The following SYCE2 variants were observed in gnomAD, a reference collection of about 807,000 sequenced individuals.
The protein encoded by SYCE2 is synaptonemal complex central element protein 2.
A neutral mutation model predicts 27.9 loss-of-function variants in SYCE2; 3 were observed. The ratio of observed to expected loss-of-function variants is 0.11; its 90% CI spans 0.05 to 0.28. The LOEUF (loss-of-function observed/expected upper bound fraction) is 0.28, where lower values mean the gene tolerates loss of function less well. Among genes scored for constraint, SYCE2 ranks in the 10% least tolerant of loss-of-function variants. The pLI is 1.00. For missense variants in SYCE2, 207 were observed against 263.5 expected, an observed-to-expected ratio of 0.79 and a Z score of 1.48; for synonymous variants, 85 against 100.7, an observed-to-expected ratio of 0.84 and a Z score of 0.93.
chr19:12,913,154 G>A (rs1362629466), intron 2 of SYCE2, among the ~76,000 whole-genome samples: 24 of 152,244 alleles, frequency 1.6e-4, no homozygotes, highest in Admixed American at 1.6e-3. Context: ...CGGGCTGGGG[G>A]CTGTGAACAC....
chr19:12,914,990 CCAG>C (rs1387044926), intron 2 of SYCE2, among the ~76,000 whole-genome samples: 9 of 152,146 alleles, frequency 5.9e-5, no homozygotes, highest in Non-Finnish European at 8.8e-5. Flanking sequence ...ATGAGTATGC[CCAG>C]AAGAAATGAA....
intron 2 of SYCE2, among the ~76,000 whole-genome samples, chr19:12,909,584 C>T (rs1684259424): frequency 6.6e-6 from 1 of 150,566 alleles, no homozygotes; most frequent in Admixed American, 6.6e-5. Context: ...ATTTTTTTTT[C>T]AGATGGAGTT....
chr19:12,907,223 C>T (rs192933618), intron 2 of SYCE2, among the ~76,000 whole-genome samples: 18 of 152,268 alleles, frequency 1.2e-4, no homozygotes, highest in East Asian at 3.9e-4. Flanking sequence ...GTTCTCTTTA[C>T]GACATGGGCT....
intron 1 of SYCE2, 119 bp downstream of exon 1, chr19:12,919,124 C>A: frequency 7.4e-7 from 1 of 1,342,906 alleles, no homozygotes; most frequent in South Asian, 1.2e-5. Context: ...GAGAGGGAGC[C>A]CCAATGGCAA....
intron 2 of SYCE2, among the ~76,000 whole-genome samples, chr19:12,908,166 C>T (rs1011423516): frequency 6.6e-6 from 1 of 151,906 alleles, no homozygotes; most frequent in African/African-American, 2.4e-5. Flanking sequence ...ACAACCACAA[C>T]ACACATATAC....
At chr19:12,916,983 CAA>C (rs1971149420) in intron 2 of SYCE2, among the ~76,000 whole-genome samples, 3 of 151,960 alleles carry the variant, frequency 2.0e-5, no homozygotes, top group African/African-American at 4.8e-5. Context: ...ATCCTGACCT[CAA>C]GTTATCTGCC....
At chr19:12,907,588 C>G (rs1012694833) in intron 2 of SYCE2, among the ~76,000 whole-genome samples, 2 of 151,336 alleles carry the variant, frequency 1.3e-5, no homozygotes, top group Non-Finnish European at 2.9e-5. Flanking sequence ...ATCAGGAGTT[C>G]GAGATCAGCC....
intron 1 of SYCE2, 83 bp from the exon 2 acceptor site, chr19:12,918,420 T>A (rs1009365112): frequency 4.6e-6 from 6 of 1,306,134 alleles, no homozygotes; most frequent in Non-Finnish European, 3.3e-6. Flanking sequence ...TCAACCCTGG[T>A]CACCTCGATG....
chr19:12,912,127 A>AG (rs1392126706), intron 2 of SYCE2, among the ~76,000 whole-genome samples: 4 of 150,270 alleles, frequency 2.7e-5, no homozygotes, highest in African/African-American at 9.9e-5. Flanking sequence ...TAGTAGAGAC[A>AG]GGGTTTCACC....
At position 12,904,610 on chromosome 19, in the gene SYCE2, A is replaced by G. The variant is rs772702266; in HGVS notation, c.188T>C (p.Leu63Pro). ...CTGCAGGATGTCAATGCTTGAGTCCAGAGAGGAGAAGTAGAGTCCCGACTT... is the reference window on the plus strand; with the variant it reads ...CTGCAGGATGTCAATGCTTGAGTCCGGAGAGGAGAAGTAGAGTCCCGACTT... ...EGKSGLYFSS[L>P]DSSIDILQKR... The change falls in exon 3 of 6, where the codon CTG becomes CCG. Residue 63 changes from leucine (L) to proline (P), a missense_variant. Coordinates refer to ENST00000293695, the MANE Select transcript of SYCE2 (RefSeq NM_001105578.2). The G allele has an allele frequency of 6.2e-7, 1 of 1,614,080 alleles. No homozygotes were observed. Among genetic ancestry groups the G allele is most frequent in the Non-Finnish European group, 8.5e-7 (1 of 1,180,006 alleles).
intron 2 of SYCE2, among the ~76,000 whole-genome samples, chr19:12,906,415 G>C (rs1459338133): frequency 6.6e-6 from 1 of 152,208 alleles, no homozygotes; most frequent in Non-Finnish European, 1.5e-5. Context: ...TGGCAGAAGA[G>C]TGACAGCTAT....
Position 12,899,764 on chromosome 19 carries a change from AC to A in SYCE2, c.612+239del, listed in dbSNP as rs767276271. On this transcript the variant is annotated intron_variant, in intron 5 of 5. Coordinates refer to ENST00000293695, the MANE Select transcript of SYCE2 (RefSeq NM_001105578.2). ...TGTAGAGCGTCTCAATCCACTTTTA[AC>A]CATGGATGAGAGCAGACTCCATTTA... 1.2e-5 allele frequency: 19 copies of A among 1,609,600 alleles called. No individual in the cohort carries two copies. In the East Asian group the frequency reaches 4.0e-4, roughly 34 times the overall value.
chr19:12,909,664 T>A (rs927533056), intron 2 of SYCE2, among the ~76,000 whole-genome samples: 4 of 152,148 alleles, frequency 2.6e-5, no homozygotes, highest in African/African-American at 9.7e-5. Context: ...CCTCCCGGGT[T>A]CAAGCGATTC....
chr19:12,906,818 G>A (rs1599633679), intron 2 of SYCE2, among the ~76,000 whole-genome samples: 1 of 150,802 alleles, frequency 6.6e-6, no homozygotes, highest in East Asian at 2.0e-4. Flanking sequence ...TGAGGTACAA[G>A]AATCGCTTGA....
At position 12,900,563 on chromosome 19, in the gene SYCE2, T is replaced by C. The variant is rs1316980203; in HGVS notation, c.392A>G (p.Glu131Gly). Reference sequence around the variant, plus strand: ...GATCTTTGCCATTTTCTGGGTGAACTCTTGGAGCTTTTCCTGGATGATCTT... The same window carrying C: ...GATCTTTGCCATTTTCTGGGTGAACCCTTGGAGCTTTTCCTGGATGATCTT... The part of the protein sequence containing the change: ...HNKIIQEKLQ[E>G]FTQKMAKISH... Residue 131 changes from glutamate (E) to glycine (G), a missense_variant, in exon 4 of 6, where the codon GAG becomes GGG. Physicochemically the swap from Glu to Gly is moderately conservative, Grantham distance 98 (BLOSUM62 -2). Transcript: ENST00000293695. 1.9e-6 allele frequency: 3 copies of C among 1,614,094 alleles called. No individual in the cohort carries two copies. Among genetic ancestry groups the C allele is most frequent in the African/African-American group, 1.3e-5 (1 of 74,930 alleles).
At chr19:12,906,364 GTAAT>G (rs1970934107) in intron 2 of SYCE2, among the ~76,000 whole-genome samples, 1 of 152,200 alleles carries the variant, frequency 6.6e-6, no homozygotes, top group Admixed American at 6.5e-5. Flanking sequence ...ACATGTAACT[GTAAT>G]TATGTAATTC....
chr19:12,913,092 T>C (rs1406090871), intron 2 of SYCE2, among the ~76,000 whole-genome samples: 1 of 152,196 alleles, frequency 6.6e-6, no homozygotes, highest in African/African-American at 2.4e-5. Context: ...AGAATGCAAG[T>C]CAGCCCAACA....
At position 12,899,029 on chromosome 19, in the gene SYCE2, C is replaced by G; in HGVS notation, c.*312G>C. 2.4e-6 allele frequency: 1 copy of G among 418,284 alleles called. No homozygotes were observed. The highest frequency in any genetic ancestry group is 2.3e-5 in the South Asian group (1 of 42,906). 25.9% of individuals were successfully genotyped at this position (418,284 alleles called of 1,614,324 possible). A position where few individuals can be genotyped will look rare whatever the true frequency, so the allele number is the denominator to read the frequency against. ...GGTAAGAAAGGGCTTGCTGTGTTTC[C>G]TTGGAGCTCAGGGGTGCTTTCAGCC... On this transcript the variant is annotated 3_prime_UTR_variant, in exon 6 of 6. Coordinates refer to ENST00000293695, the MANE Select transcript of SYCE2 (RefSeq NM_001105578.2).
At position 12,899,840 on chromosome 19, in the gene SYCE2, C is replaced by G. The variant is rs955111074; in HGVS notation, c.612+164G>C. On this transcript the variant is annotated intron_variant, in intron 5 of 5. Transcript: ENST00000293695. ...GAGGAGAGTGACATGGAAGCAACTC[C>G]GTCTGCTGCAGCTGACCCCCTCACA... The G allele has an allele frequency of 5.1e-6, 8 of 1,567,568 alleles. No individual in the cohort carries two copies. In the African/African-American group the frequency reaches 1.1e-4, roughly 21 times the overall value.
Sources: allele counts gnomAD v4.1 joint callset (sites outside exome capture counted in the v4.1 genomes callset), GRCh38; gene constraint gnomAD v4.1.1; transcripts MANE v1.5; gene names NCBI Gene and HGNC (gene_info 2026-07-23, HGNC 2026-07-21).